The following FOXN3 variants were observed in gnomAD, a reference collection of about 807,000 sequenced individuals.
FOXN3 encodes the protein forkhead box protein N3.
In FOXN3, 7 loss-of-function variants were observed where a neutral mutation model predicts 38.4. That is an observed-to-expected ratio of 0.18 (90% CI 0.10 to 0.34). The LOEUF (loss-of-function observed/expected upper bound fraction) is 0.34, where lower values mean the gene tolerates loss of function less well. Ranked by LOEUF, FOXN3 falls within the 10% of genes least tolerant of loss-of-function variation. The pLI, the probability that FOXN3 is intolerant of heterozygous loss-of-function variation, is 1.00. For missense variants in FOXN3, 456 were observed against 613.4 expected (o/e 0.74, Z 2.71); for synonymous variants, 230 against 242.2 (o/e 0.95, Z 0.47).
intron 1 of FOXN3, among the ~76,000 whole-genome samples, chr14:89,507,115 T>A: frequency 8.7e-6 from 1 of 114,524 alleles, no homozygotes; most frequent in Non-Finnish European, 1.8e-5. Flanking sequence ...CACCCAAGAA[T>A]GATCAATAAA....
intron 5 of FOXN3, among the ~76,000 whole-genome samples, chr14:89,177,422 G>C (rs1047267961): frequency 6.6e-6 from 1 of 152,194 alleles, no homozygotes; most frequent in Non-Finnish European, 1.5e-5. Context: ...GCTCAGGAAA[G>C]TCACTCCTTA....
intron 2 of FOXN3, among the ~76,000 whole-genome samples, chr14:89,380,116 C>T (rs1890598885): frequency 6.6e-6 from 1 of 152,200 alleles, no homozygotes; most frequent in African/African-American, 2.4e-5. Context: ...ATAATTCCCA[C>T]ATGTCGGGGG....
At chr14:89,318,993 G>C (rs1324146904) in intron 3 of FOXN3, among the ~76,000 whole-genome samples, 2 of 152,218 alleles carry the variant, frequency 1.3e-5, no homozygotes, top group Non-Finnish European at 2.9e-5. Context: ...TGAGGGCCCA[G>C]ACTGGGCCAA....
intron 1 of FOXN3, among the ~76,000 whole-genome samples, chr14:89,583,243 A>G (rs1408176071): frequency 6.6e-6 from 1 of 152,176 alleles, no homozygotes; most frequent in Non-Finnish European, 1.5e-5. Flanking sequence ...TTGCCCCTCA[A>G]AATTCATTTA....
intron 5 of FOXN3, among the ~76,000 whole-genome samples, chr14:89,171,009 A>G (rs1887374881): frequency 6.6e-6 from 1 of 152,084 alleles, no homozygotes; most frequent in Admixed American, 6.5e-5. Context: ...AGCAGAAATC[A>G]ATGGAATAGA....
intron 1 of FOXN3, among the ~76,000 whole-genome samples, chr14:89,478,193 T>C (rs1893250918): frequency 6.6e-6 from 1 of 152,118 alleles, no homozygotes; most frequent in South Asian, 2.1e-4. Context: ...CTTTCTCCCA[T>C]TCTCGCCATG....
At chr14:89,470,161 C>T (rs924004544) in intron 1 of FOXN3, among the ~76,000 whole-genome samples, 6 of 152,198 alleles carry the variant, frequency 3.9e-5, no homozygotes, top group Non-Finnish European at 8.8e-5. Flanking sequence ...GTTTGGCAGA[C>T]GCTGGAAGCT....
At chr14:89,346,094 A>G (rs1166990701) in intron 3 of FOXN3, among the ~76,000 whole-genome samples, 4 of 152,186 alleles carry the variant, frequency 2.6e-5, no homozygotes, top group African/African-American at 4.8e-5. Context: ...CTGCATTTAA[A>G]TTGCTGCAAA....
intron 1 of FOXN3, among the ~76,000 whole-genome samples, chr14:89,565,024 G>A (rs1895322687): frequency 6.7e-6 from 1 of 149,474 alleles, no homozygotes; most frequent in African/African-American, 2.5e-5. Flanking sequence ...AACCCAGGAG[G>A]CGGAGGTTGC....
chr14:89,289,181 CAAA>C (rs368044925), intron 3 of FOXN3, among the ~76,000 whole-genome samples: 10 of 105,110 alleles, frequency 9.5e-5, no homozygotes, highest in Admixed American at 2.1e-4. Flanking sequence ...AATTCTGTCT[CAAA>C]AAAAAAAAAA....
intron 3 of FOXN3, among the ~76,000 whole-genome samples, chr14:89,300,702 G>A (rs1887192974): frequency 2.0e-5 from 3 of 152,192 alleles, no homozygotes; most frequent in Admixed American, 2.0e-4. Context: ...TGACATAGAA[G>A]GGACACCTCG....
chr14:89,224,576 C>T (rs1402865945), intron 4 of FOXN3, among the ~76,000 whole-genome samples: 3 of 152,164 alleles, frequency 2.0e-5, no homozygotes, highest in Non-Finnish European at 2.9e-5. Context: ...TACTGTGTGG[C>T]AGGTACTATA....
chr14:89,253,941 C>T (rs902906377), intron 4 of FOXN3, among the ~76,000 whole-genome samples: 1 of 152,202 alleles, frequency 6.6e-6, no homozygotes. Flanking sequence ...GGATCTATGG[C>T]CATGGCCCAT....
intron 3 of FOXN3, chr14:89,349,780 A>G (rs867946045): frequency 1.3e-5 from 2 of 152,284 alleles, no homozygotes; most frequent in Non-Finnish European, 2.9e-5. Flanking sequence ...CAAACAGCAG[A>G]CTAGGAAAAG....
At chr14:89,298,883 G>A (rs1297226527) in intron 3 of FOXN3, among the ~76,000 whole-genome samples, 1 of 152,160 alleles carries the variant, frequency 6.6e-6, no homozygotes, top group East Asian at 1.9e-4. Flanking sequence ...AGAATCTTCT[G>A]GACAATGTTC....
chr14:89,360,250 G>A (rs538989381), intron 2 of FOXN3, among the ~76,000 whole-genome samples: 390 of 151,216 alleles, frequency 2.6e-3, no homozygotes, highest in Middle Eastern at 0.017. Flanking sequence ...GCCCCTAAAG[G>A]AGGAAGGAGA....
intron 1 of FOXN3, among the ~76,000 whole-genome samples, chr14:89,560,110 G>A (rs1895217213): frequency 6.6e-6 from 1 of 152,156 alleles, no homozygotes; most frequent in Non-Finnish European, 1.5e-5. Context: ...GGGGAAGCAG[G>A]CAAAATCTTC....
intron 3 of FOXN3, among the ~76,000 whole-genome samples, chr14:89,348,912 C>T (rs1030735146): frequency 6.6e-6 from 1 of 152,138 alleles, no homozygotes; most frequent in Admixed American, 6.5e-5. Context: ...GTGTTTCCCT[C>T]GGGGTCACAT....
intron 2 of FOXN3, among the ~76,000 whole-genome samples, chr14:89,384,905 G>A (rs934751799): frequency 3.3e-5 from 5 of 152,190 alleles, no homozygotes; most frequent in Non-Finnish European, 7.3e-5. Flanking sequence ...TGTACGTGTT[G>A]TAAATTACAT....
Sources: allele counts gnomAD v4.1 joint callset (sites outside exome capture counted in the v4.1 genomes callset), GRCh38; gene constraint gnomAD v4.1.1; transcripts MANE v1.5; gene names NCBI Gene and HGNC (gene_info 2026-07-23, HGNC 2026-07-21).